The following CHRNA4 variants were observed in gnomAD, a reference collection of about 807,000 sequenced individuals.
CHRNA4 encodes the protein neuronal acetylcholine receptor subunit alpha-4.
A neutral mutation model predicts 48.9 loss-of-function variants in CHRNA4; 28 were observed. That is an observed-to-expected ratio of 0.57 (90% CI 0.42 to 0.79). The LOEUF is 0.79. Among genes scored for constraint, CHRNA4 ranks in the 30% least tolerant of loss-of-function variants. The pLI, the probability that CHRNA4 is intolerant of heterozygous loss-of-function variation, is 0.00. For missense variants in CHRNA4, 859 were observed against 898.4 expected (o/e 0.96, Z 0.56); for synonymous variants, 425 against 402.3 (o/e 1.06, Z -0.68).
intron 4 of CHRNA4, chr20:63,351,255 C>G: frequency 2.0e-6 from 1 of 509,194 alleles, no homozygotes; most frequent in Non-Finnish European, 3.6e-6. Context: ...CGTCCACGTC[C>G]ACGTCCACAC....
chr20:63,351,080 C>G, intron 4 of CHRNA4, 53 bp from the exon 5 acceptor site: 1 of 1,511,716 alleles, frequency 6.6e-7, no homozygotes, highest in African/African-American at 1.4e-5. Flanking sequence ...TGCCCACGTC[C>G]ACACCCACGC....
intron 4 of CHRNA4, chr20:63,355,593 C>T: frequency 1.5e-6 from 2 of 1,305,072 alleles, no homozygotes; most frequent in Non-Finnish European, 2.0e-6. Flanking sequence ...GGCTCTCCTG[C>T]AGCTGTCAAG....
intron 4 of CHRNA4, chr20:63,355,511 C>A (rs45473291): frequency 7.8e-7 from 1 of 1,289,908 alleles, no homozygotes; most frequent in Non-Finnish European, 1.0e-6. Flanking sequence ...TCCAGGGCAC[C>A]CTGCAGTCCA....
chr20:63,359,689 A>G lies in CHRNA4; in HGVS notation c.87T>C (p.His29=), dbSNP rs549733333. The change falls in exon 2 of 6, where the codon CAT becomes CAC. Residue 29 remains histidine (H), a synonymous_variant. Coordinates refer to ENST00000370263, the MANE Select transcript of CHRNA4 (RefSeq NM_000744.7). ...LGTGLLRASS[H]VETRAHAEER... ...CCTCGGCGTGGGCCCGGGTCTCCAC[A>G]TGGCTGCTGGCTGCGGGGAGAGGCA... 6 of 1,611,042 alleles carry G rather than the reference A, an allele frequency of 3.7e-6. No homozygotes were observed. The highest frequency in any genetic ancestry group is 2.7e-5 in the African/African-American group (2 of 74,994).
At chr20:63,355,888 G>A (rs998054994) in intron 4 of CHRNA4, 87 bp downstream of exon 4, 2 of 1,555,128 alleles carry the variant, frequency 1.3e-6, no homozygotes, top group African/African-American at 2.7e-5. Context: ...GGGCCTTGGT[G>A]GAGCTCCCTG....
chr20:63,359,644 G>T lies in CHRNA4; in HGVS notation c.132C>A (p.Leu44=). The part of the protein sequence containing the change: ...AHAEERLLKK[L]FSGYNKWSRP... ...GGGACCACTTGTTGTAACCGGAGAA[G>T]AGTTTCTTCAGGAGCCGCTCCTCGG... Residue 44 remains leucine (L), a synonymous_variant, in exon 2 of 6, where the codon CTC becomes CTA. Coordinates refer to ENST00000370263, the MANE Select transcript of CHRNA4 (RefSeq NM_000744.7). 6.2e-7 allele frequency: 1 copy of T among 1,612,558 alleles called. No individual in the cohort carries two copies. Among genetic ancestry groups the T allele is most frequent in the Non-Finnish European group, 8.5e-7 (1 of 1,179,922 alleles).
rs985113677 is a variant in CHRNA4, at chr20:63,346,377, G to A, written c.*361C>T. 6.2e-6 allele frequency: 3 copies of A among 486,686 alleles called. No homozygotes were observed. Among genetic ancestry groups the A allele is most frequent in the African/African-American group, 1.9e-5 (1 of 51,306 alleles). 30.1% of individuals were successfully genotyped at this position (486,686 alleles called of 1,614,324 possible). A position where few individuals can be genotyped will look rare whatever the true frequency, so the allele number is the denominator to read the frequency against. ...TTCAAGGGCCCCTTGGGGCGGTCGG[G>A]ACCATCACCAGATCTGCTGAGAGAC... is the stretch of plus-strand genomic sequence containing the variant. On this transcript the variant is annotated 3_prime_UTR_variant, in exon 6 of 6. Coordinates refer to ENST00000370263, the MANE Select transcript of CHRNA4 (RefSeq NM_000744.7).
intron 5 of CHRNA4, among the ~76,000 whole-genome samples, chr20:63,347,702 G>A (rs759688927): frequency 1.3e-5 from 2 of 152,234 alleles, no homozygotes; most frequent in Non-Finnish European, 2.9e-5. Context: ...GCTCTGCCGT[G>A]TAGGACCTGA....
At position 63,361,136 on chromosome 20, in the gene CHRNA4, C is replaced by T. The variant is rs200199009; in HGVS notation, c.30G>A (p.Arg10=). Reference sequence around the variant, plus strand: ...GAAGCAGCAGCAGCGGCGGCAGCAGCCGCGGCGCTCCGGGGCCCCCTAGCT... The same window carrying T: ...GAAGCAGCAGCAGCGGCGGCAGCAGTCGCGGCGCTCCGGGGCCCCCTAGCT... MELGGPGAP[R]LLPPLLLLLG... Residue 10 remains arginine, a synonymous_variant, in exon 1 of 6, where the codon CGG becomes CGA. Transcript: ENST00000370263. 1.4e-6 allele frequency: 2 copies of T among 1,477,530 alleles called. No homozygotes were observed. Among genetic ancestry groups the T allele is most frequent in the Non-Finnish European group, 1.8e-6 (2 of 1,120,050 alleles). 91.5% of individuals were successfully genotyped at this position (1,477,530 alleles called of 1,614,324 possible). A position where few individuals can be genotyped will look rare whatever the true frequency, so the allele number is the denominator to read the frequency against.
At position 63,350,603 on chromosome 20, in the gene CHRNA4, C is replaced by T. The variant is rs765977956; in HGVS notation, c.808G>A (p.Glu270Lys). Residue 270 changes from glutamate (E) to lysine (K), a missense_variant, in exon 5 of 6, where the codon GAG (glutamate) becomes AAG (lysine). Physicochemically the swap from Glu to Lys is moderately conservative, Grantham distance 56. This residue lies in a region of CHRNA4 where 39 missense variants were observed against 77.7 expected (regional missense o/e 0.50). Transcript: ENST00000370263. ...LTVLVFYLPS[E>K]CGEKITLCIS... ...CACAGCGTGATCTTCTCGCCACACT[C>T]GGAGGGCAGGTAGAAGACCAGCACG... The T allele has an allele frequency of 9.3e-6, 15 of 1,613,788 alleles. No homozygotes were observed. Among genetic ancestry groups the T allele is most frequent in the South Asian group, 8.8e-5 (8 of 91,070 alleles).
rs2068589818 is a variant in CHRNA4, at chr20:63,351,042, A to C, written c.384-15T>G. ...CCCCGTCAGCACTGGGCAGGAAGAG[A>C]GCGAAGGGTGTGAGACCCCCACATC... On this transcript the variant is annotated splice_polypyrimidine_tract_variant and intron_variant, in intron 4 of 5. Transcript: ENST00000370263. The C allele has an allele frequency of 3.7e-6, 6 of 1,608,376 alleles. No homozygotes were observed. Among genetic ancestry groups the C allele is most frequent in the Non-Finnish European group, 5.1e-6 (6 of 1,178,558 alleles).
At position 63,350,210 on chromosome 20, in the gene CHRNA4, G is replaced by C. The variant is rs1300951850; in HGVS notation, c.1201C>G (p.Leu401Val). The change falls in exon 5 of 6, where the codon CTG (leucine) becomes GTG (valine). Residue 401 changes from leucine (L) to valine (V), a missense_variant. This residue lies in a region of CHRNA4 where 478 missense variants were observed against 455.4 expected (regional missense o/e 1.05). Coordinates refer to ENST00000370263, the MANE Select transcript of CHRNA4 (RefSeq NM_000744.7). ...CAGAAGGACGGTGAGGGCGGGTGCA[G>C]GCTCTGGGTGCCGCTCGTGGCAGGG... ...EPPATSGTQS[L>V]HPPSPSFCVP... 6.2e-7 allele frequency: 1 copy of C among 1,604,684 alleles called. No homozygotes were observed. Among genetic ancestry groups the C allele is most frequent in the Non-Finnish European group, 8.5e-7 (1 of 1,175,732 alleles).
At chr20:63,357,108 A>G (rs2068731868) in intron 2 of CHRNA4, among the ~76,000 whole-genome samples, 9 of 130,746 alleles carry the variant, frequency 6.9e-5, no homozygotes, top group African/African-American at 2.7e-4. Flanking sequence ...ACAGGACCAC[A>G]TTCCCACAGG....
chr20:63,359,784 C>T, intron 1 of CHRNA4, 85 bp from the exon 2 acceptor site: 1 of 1,520,352 alleles, frequency 6.6e-7, no homozygotes, highest in Non-Finnish European at 8.9e-7. Flanking sequence ...CTGCCCCAGC[C>T]CCCTGCCCAG....
chr20:63,350,449 A>G lies in CHRNA4; in HGVS notation c.962T>C (p.Ile321Thr), dbSNP rs2068575226. The G allele has an allele frequency of 6.2e-7, 1 of 1,613,628 alleles. No individual in the cohort carries two copies. The highest frequency in any genetic ancestry group is 1.1e-5 in the South Asian group (1 of 91,076). The change falls in exon 5 of 6, where the codon ATC becomes ACC. Residue 321 changes from isoleucine (I) to threonine (T), a missense_variant. Physicochemically the swap from Ile to Thr is moderately conservative, Grantham distance 89 (BLOSUM62 -1). This residue lies in a region of CHRNA4 where 478 missense variants were observed against 455.4 expected (regional missense o/e 1.05). Coordinates refer to ENST00000370263, the MANE Select transcript of CHRNA4 (RefSeq NM_000744.7). Reference protein sequence around the residue: ...LFTMIFVTLSIVITVFVLNVH... With the variant: ...LFTMIFVTLSTVITVFVLNVH... ...GTTGAGCACGAAGACCGTGATGACG[A>G]TGGACAGGGTGACGAAGATCATGGT...
intron 5 of CHRNA4, among the ~76,000 whole-genome samples, chr20:63,348,031 C>T (rs988449400): frequency 1.3e-5 from 2 of 152,226 alleles, no homozygotes; most frequent in South Asian, 2.1e-4. Context: ...GCCTTTAGTT[C>T]CCTGGGTTCT....
chr20:63,349,992 G>C lies in CHRNA4; in HGVS notation c.1419C>G (p.Ser473Arg). The change falls in exon 5 of 6, where the codon AGC (serine) becomes AGG (arginine). Residue 473 changes from serine (S) to arginine (R), a missense_variant. This residue lies in a region of CHRNA4 where 478 missense variants were observed against 455.4 expected (regional missense o/e 1.05). Coordinates refer to ENST00000370263, the MANE Select transcript of CHRNA4 (RefSeq NM_000744.7). ...CGCCGCCTTCCACCGCTTCGCCAGG[G>C]CTGGACATGTGCTGGACGCTGAGGG... ...ARSLSVQHMS[S>R]PGEAVEGGVR... 3 of 1,550,660 alleles carry C rather than the reference G, an allele frequency of 1.9e-6. No individual in the cohort carries two copies. The highest frequency in any genetic ancestry group is 2.6e-6 in the Non-Finnish European group (3 of 1,147,188).
At position 63,350,252 on chromosome 20, in the gene CHRNA4, C is replaced by T. The variant is rs534229205; in HGVS notation, c.1159G>A (p.Glu387Lys). The T allele has an allele frequency of 2.2e-5, 35 of 1,609,884 alleles. No individual in the cohort carries two copies. The highest frequency in any genetic ancestry group is 2.7e-5 in the African/African-American group (2 of 75,004). ...GTGGCAGGGGGCTCCCCTTCTGGCT[C>T]GGGCCAGAAGCGCGGGGCACTGGCC... ...KMASAPRFWP[E>K]PEGEPPATSG... Residue 387 changes from glutamate to lysine, a missense_variant, in exon 5 of 6, where the codon GAG becomes AAG. This residue lies in a region of CHRNA4 where 478 missense variants were observed against 455.4 expected (regional missense o/e 1.05). Coordinates refer to ENST00000370263, the MANE Select transcript of CHRNA4 (RefSeq NM_000744.7).
intron 2 of CHRNA4, chr20:63,359,308 G>A: frequency 1.7e-6 from 1 of 593,640 alleles, no homozygotes. Context: ...TGGCCACTTG[G>A]AGTGTTCCCA....
Sources: gnomAD v4.1 joint callset for allele counts (sites outside exome capture counted in the v4.1 genomes callset) on GRCh38, gnomAD v4.1.1 for gene constraint, gnomAD v4.1.1 regional missense constraint, MANE v1.5 for transcripts, NCBI Gene and HGNC (gene_info 2026-07-23, HGNC 2026-07-21) for gene names.